Variants in FCHO2 observed in about 807,000 individuals in gnomAD.
FCHO2 encodes the protein FCH and mu domain containing endocytic adaptor 2.
In FCHO2, 43 loss-of-function variants were observed where a neutral mutation model predicts 114.1. The observed-to-expected ratio is 0.38, with a 90% confidence interval of 0.30 to 0.49. The LOEUF (loss-of-function observed/expected upper bound fraction) is 0.49. Among genes scored for constraint, FCHO2 ranks in the 20% least tolerant of loss-of-function variants. FCHO2 has a pLI of 0.97. For synonymous variants in FCHO2, 293 were observed against 315.2 expected (o/e 0.93, Z 0.75); for missense variants, 807 against 950.4 (o/e 0.85, Z 1.98).
At chr5:73,075,081 T>C (rs182287049) in intron 20 of FCHO2, among the ~76,000 whole-genome samples, 2 of 152,292 alleles carry the variant, frequency 1.3e-5, no homozygotes, top group East Asian at 3.9e-4. Flanking sequence ...TAAGACTCTG[T>C]TACATGTGCA....
intron 2 of FCHO2, among the ~76,000 whole-genome samples, chr5:72,969,539 C>T (rs1424293027): frequency 6.6e-6 from 1 of 152,210 alleles, no homozygotes; most frequent in Non-Finnish European, 1.5e-5. Flanking sequence ...GGCCGCAGAA[C>T]TCTGCATCTC....
intron 19 of FCHO2, among the ~76,000 whole-genome samples, chr5:73,072,748 T>C (rs1345047840): frequency 1.3e-5 from 2 of 151,976 alleles, no homozygotes; most frequent in African/African-American, 4.8e-5. Flanking sequence ...GTGGGAGTTG[T>C]TGTTTCATGG....
chr5:72,996,519 C>G (rs891924537), intron 5 of FCHO2, among the ~76,000 whole-genome samples: 1 of 151,994 alleles, frequency 6.6e-6, no homozygotes. Context: ...GCTATTGACT[C>G]TCTGCTTACC....
intron 22 of FCHO2, among the ~76,000 whole-genome samples, chr5:73,078,973 T>A (rs1011918326): frequency 1.3e-5 from 2 of 152,238 alleles, no homozygotes; most frequent in African/African-American, 2.4e-5. Context: ...TTTAGCTGTT[T>A]CTCAGTTAAC....
chr5:73,007,595 A>G (rs1423412359), intron 6 of FCHO2, among the ~76,000 whole-genome samples: 5 of 152,192 alleles, frequency 3.3e-5, no homozygotes, highest in Admixed American at 1.3e-4. Flanking sequence ...TGAACAGCTC[A>G]TATCTTAGAA....
intron 10 of FCHO2, chr5:73,037,671 G>A (rs1450363874): frequency 2.0e-4 from 61 of 301,380 alleles, no homozygotes. Context: ...GTTAAATAGG[G>A]GAGAGAAAAG....
intron 10 of FCHO2, among the ~76,000 whole-genome samples, 177 bp downstream of exon 10, chr5:73,037,392 A>G (rs1222874883): frequency 6.7e-6 from 1 of 148,474 alleles, no homozygotes; most frequent in Non-Finnish European, 1.5e-5. Flanking sequence ...CTCTGGTTTT[A>G]GATCAAAGTA....
chr5:73,024,645 G>A (rs2112768703), intron 8 of FCHO2, among the ~76,000 whole-genome samples: 1 of 151,428 alleles, frequency 6.6e-6, no homozygotes, highest in Non-Finnish European at 1.5e-5. Context: ...CACCATATTA[G>A]CCAGGTTGGT....
Position 73,017,250 on chromosome 5 carries a change from A to G in FCHO2, c.738A>G (p.Thr246=), listed in dbSNP as rs1755353107. Residue 246 remains threonine (T), a synonymous_variant, in exon 8 of 26, where the codon ACA becomes ACG. Coordinates refer to ENST00000430046, the MANE Select transcript of FCHO2 (RefSeq NM_138782.3). The part of the protein sequence containing the change: ...EEFINNMANT[T]VESLIQKFAE... The stretch of plus-strand genomic sequence containing the variant: ...TTATAAATAACATGGCTAATACTAC[A>G]GTTGAAAGTTTGATACAAAAATTTG... 3.8e-6 allele frequency: 6 copies of G among 1,562,252 alleles called. No homozygotes were observed. The highest frequency in any genetic ancestry group is 4.3e-6 in the Non-Finnish European group (5 of 1,152,480).
intron 18 of FCHO2, among the ~76,000 whole-genome samples, chr5:73,067,720 A>G (rs888658532): frequency 2.6e-5 from 4 of 151,958 alleles, no homozygotes; most frequent in Non-Finnish European, 5.9e-5. Flanking sequence ...CATAGTAGAC[A>G]CTAAATAAAT....
At chr5:73,019,294 C>G (rs1054168518) in intron 8 of FCHO2, among the ~76,000 whole-genome samples, 5 of 152,048 alleles carry the variant, frequency 3.3e-5, no homozygotes, top group African/African-American at 1.2e-4. Flanking sequence ...ACCTGTAATC[C>G]CAGCACTTTG....
At chr5:73,037,119 T>C in intron 9 of FCHO2, 24 bp from the exon 10 acceptor site, 1 of 1,432,220 alleles carries the variant, frequency 7.0e-7, no homozygotes, top group South Asian at 1.3e-5. Flanking sequence ...TATGTTTCTG[T>C]AACAATATAT....
chr5:73,070,916 C>G (rs1338348934), intron 19 of FCHO2, among the ~76,000 whole-genome samples: 1 of 152,016 alleles, frequency 6.6e-6, no homozygotes, highest in Admixed American at 6.6e-5. Flanking sequence ...TTGGGACACA[C>G]ACTGAAATTG....
chr5:73,069,037 A>G lies in FCHO2; in HGVS notation c.1579+258A>G, dbSNP rs191015574. Among the ~76,000 whole-genome samples, 4 of 152,262 alleles carry G rather than the reference A, an allele frequency of 2.6e-5. No homozygotes were observed. The East Asian group carries it at 7.7e-4, about 29-fold the overall frequency. On this transcript the variant is annotated intron_variant, in intron 19 of 25. Coordinates refer to ENST00000430046, the MANE Select transcript of FCHO2 (RefSeq NM_138782.3). ...ATTTATAAATTGCTGATCAATATAA[A>G]TAGTTGAAGGCAAAACAAAATGCAG...
chr5:72,973,315 G>C (rs1357719924), intron 2 of FCHO2, among the ~76,000 whole-genome samples: 1 of 152,184 alleles, frequency 6.6e-6, no homozygotes, highest in Admixed American at 6.5e-5. Flanking sequence ...GAATTTGGCT[G>C]TGAATCCATC....
intron 18 of FCHO2, among the ~76,000 whole-genome samples, chr5:73,064,362 T>G (rs1757971862): frequency 6.6e-6 from 1 of 152,064 alleles, no homozygotes; most frequent in South Asian, 2.1e-4. Flanking sequence ...ATAAGGAAAC[T>G]GGAGTCCACA....
At chr5:73,078,117 T>C (rs981756871) in intron 21 of FCHO2, 63 bp from the exon 22 acceptor site, 42 of 1,308,248 alleles carry the variant, frequency 3.2e-5, no homozygotes, top group Non-Finnish European at 3.9e-5. Flanking sequence ...ACCAAATTAC[T>C]ACACAGAGGC....
At chr5:73,040,688 A>G (rs1295091548) in intron 10 of FCHO2, among the ~76,000 whole-genome samples, 1 of 152,234 alleles carries the variant, frequency 6.6e-6, no homozygotes, top group Non-Finnish European at 1.5e-5. Flanking sequence ...ATTACATTAC[A>G]TAAGAAAGTT....
At chr5:72,966,038 T>C (rs931572718) in intron 1 of FCHO2, among the ~76,000 whole-genome samples, 1 of 152,178 alleles carries the variant, frequency 6.6e-6, no homozygotes, top group Non-Finnish European at 1.5e-5. Flanking sequence ...GATTATACAA[T>C]ATACAATCTA....
Sources: allele counts gnomAD v4.1 joint callset (sites outside exome capture counted in the v4.1 genomes callset), GRCh38; gene constraint gnomAD v4.1.1; transcripts MANE v1.5; gene names NCBI Gene and HGNC (gene_info 2026-07-23, HGNC 2026-07-21).